TPCN2: variants seen among roughly 807,000 people sequenced by gnomAD.
The protein encoded by TPCN2 is two pore segment channel 2, also known as two pore channel protein 2.
Under a neutral mutation model 111.4 loss-of-function variants are expected in TPCN2, and 92 were observed. That is an observed-to-expected ratio of 0.83 (90% CI 0.70 to 0.98). TPCN2 has a LOEUF of 0.98. Ranked by LOEUF, TPCN2 falls within the 50% of genes least tolerant of loss-of-function variation. The pLI is 0.00. For missense variants in TPCN2, 995 were observed against 980.1 expected (o/e 1.02, Z -0.20); for synonymous variants, 405 against 414.5 (o/e 0.98, Z 0.28).
chr11:69,062,856 G>A lies in TPCN2; in HGVS notation c.547-28G>A, dbSNP rs928286342. On this transcript the variant is annotated intron_variant, in intron 5 of 24. Coordinates refer to ENST00000294309, the MANE Select transcript of TPCN2 (RefSeq NM_139075.4). Reference sequence around the variant, plus strand: ...AGGGGTAGAACTAAGCACTTGACGTGGTCCTCAGTTTCCTGGGTCTCTTCC... The same window carrying A: ...AGGGGTAGAACTAAGCACTTGACGTAGTCCTCAGTTTCCTGGGTCTCTTCC... 3.1e-6 allele frequency: 5 copies of A among 1,602,652 alleles called. No individual in the cohort carries two copies. In the African/African-American group the frequency reaches 6.7e-5, roughly 21 times the overall value.
chr11:69,073,300 G>A (rs908102596), intron 13 of TPCN2, among the ~76,000 whole-genome samples: 10 of 152,220 alleles, frequency 6.6e-5, no homozygotes, highest in African/African-American at 2.4e-4. Flanking sequence ...CCTTCCTCAG[G>A]AGGTCCACAC....
Position 69,081,645 on chromosome 11 carries a change from G to A in TPCN2, c.1689+146G>A, listed in dbSNP as rs1042192254. 1.1e-4 allele frequency: 62 copies of A among 568,102 alleles called. No individual in the cohort carries two copies. In the Admixed American group the frequency reaches 1.5e-3, roughly 14 times the overall value. The allele number at this position is 568,102 out of a possible 1,614,324, so 35.2% of individuals were successfully genotyped here. A position where few individuals can be genotyped will look rare whatever the true frequency, so the allele number is the denominator to read the frequency against. On this transcript the variant is annotated intron_variant, in intron 18 of 24. Transcript: ENST00000294309. ...CTGGCTGCACCCTCAGCTCTCTGCCGTGCTCTTGTGATGCTGGGGAAGGGT... is the reference window on the plus strand; with the variant it reads ...CTGGCTGCACCCTCAGCTCTCTGCCATGCTCTTGTGATGCTGGGGAAGGGT...
intron 11 of TPCN2, among the ~76,000 whole-genome samples, chr11:69,072,267 G>A (rs558688045): frequency 2.0e-5 from 3 of 152,290 alleles, no homozygotes; most frequent in Middle Eastern, 3.4e-3. Context: ...CGAGTGGCCC[G>A]GCCTTCTTGT....
intron 13 of TPCN2, among the ~76,000 whole-genome samples, chr11:69,076,064 A>C (rs1474553888): frequency 6.6e-6 from 1 of 152,220 alleles, no homozygotes; most frequent in Non-Finnish European, 1.5e-5. Context: ...GGCAGTGGCA[A>C]CTACGATAAA....
At chr11:69,082,447 G>A (rs1490825082) in intron 18 of TPCN2, among the ~76,000 whole-genome samples, 2 of 152,282 alleles carry the variant, frequency 1.3e-5, no homozygotes, top group Admixed American at 1.3e-4. Flanking sequence ...CCGCATCACC[G>A]TATGCACAGA....
chr11:69,067,423 C>A (rs905501371), intron 7 of TPCN2, 80 bp from the exon 8 acceptor site: 1 of 1,332,834 alleles, frequency 7.5e-7, no homozygotes, highest in Admixed American at 1.7e-5. Context: ...ATGGTTCCAG[C>A]CGGTTGGGTC....
intron 13 of TPCN2, among the ~76,000 whole-genome samples, chr11:69,076,557 C>T (rs1295268986): frequency 2.1e-5 from 1 of 46,702 alleles, no homozygotes; most frequent in African/African-American, 4.9e-5. Context: ...CCTGCTCTGT[C>T]CCTCCACCTG....
chr11:69,084,797 T>A (rs565984668), intron 19 of TPCN2: 1 of 985,440 alleles, frequency 1.0e-6, no homozygotes, highest in South Asian at 4.7e-5. Flanking sequence ...TCAGGTGCTG[T>A]CTGCCCAGCC....
intron 23 of TPCN2, 87 bp downstream of exon 23, chr11:69,086,691 G>T: frequency 1.5e-6 from 2 of 1,333,374 alleles, no homozygotes; most frequent in Non-Finnish European, 2.2e-6. Flanking sequence ...GGCCGGGCCT[G>T]CCTGGAACTT....
chr11:69,069,861 G>GC (rs56344161), intron 8 of TPCN2, among the ~76,000 whole-genome samples: 109,634 of 109,710 alleles, frequency 1, 54,779 homozygotes, highest in Middle Eastern at 1. Context: ...CTGCAGGGAG[G>GC]TTTCAGCTCT....
At chr11:69,057,740 G>A in intron 5 of TPCN2, 46 bp downstream of exon 5, 2 of 1,576,100 alleles carry the variant, frequency 1.3e-6, no homozygotes, top group South Asian at 1.1e-5. Flanking sequence ...ATCTGGGGCT[G>A]GTGTGGGTGC....
chr11:69,085,008 C>G (rs1436016630), intron 19 of TPCN2, among the ~76,000 whole-genome samples: 4 of 152,176 alleles, frequency 2.6e-5, no homozygotes, highest in Non-Finnish European at 5.9e-5. Context: ...CCTGCCTGAG[C>G]CCCACTGTGT....
intron 5 of TPCN2, among the ~76,000 whole-genome samples, chr11:69,060,670 C>G (rs1200797838): frequency 6.6e-6 from 1 of 152,188 alleles, no homozygotes; most frequent in Non-Finnish European, 1.5e-5. Flanking sequence ...AGGGAAGGCC[C>G]TCAGGTTGGG....
At chr11:69,051,721 G>A (rs928780259) in intron 1 of TPCN2, among the ~76,000 whole-genome samples, 1 of 152,242 alleles carries the variant, frequency 6.6e-6, no homozygotes, top group African/African-American at 2.4e-5. Flanking sequence ...CCAGGGTGAT[G>A]AGCTCAGGGC....
intron 5 of TPCN2, among the ~76,000 whole-genome samples, chr11:69,058,675 C>T (rs538492065): frequency 1.3e-4 from 20 of 152,194 alleles, no homozygotes; most frequent in South Asian, 4.1e-4. Context: ...GCCCACAGCA[C>T]GGCAGAGCGG....
At chr11:69,067,410 T>G (rs1590724354) in intron 7 of TPCN2, 93 bp from the exon 8 acceptor site, 1 of 1,175,400 alleles carries the variant, frequency 8.5e-7, no homozygotes, top group Non-Finnish European at 1.2e-6. Flanking sequence ...GGGCGGCGGG[T>G]GGATGGTTCC....
intron 19 of TPCN2, chr11:69,084,562 G>A (rs954757958): frequency 1.0e-6 from 1 of 985,100 alleles, no homozygotes; most frequent in Non-Finnish European, 1.2e-6. Flanking sequence ...CAGGAGAGGG[G>A]CCTGTGACCA....
rs1261171363 is a variant in TPCN2, at chr11:69,054,432, G to T, written c.175-289G>T. ...CCTTGCACAGAGAAGAGAGAGCCTCGCAGGCAGACACGGGCACAGCTGTGC... is the reference window on the plus strand; with the variant it reads ...CCTTGCACAGAGAAGAGAGAGCCTCTCAGGCAGACACGGGCACAGCTGTGC... On this transcript the variant is annotated intron_variant, in intron 2 of 24. Coordinates refer to ENST00000294309, the MANE Select transcript of TPCN2 (RefSeq NM_139075.4). 8.9e-6 allele frequency: 5 copies of T among 560,438 alleles called. No individual in the cohort carries two copies. In the Admixed American group the frequency reaches 1.2e-4, roughly 14 times the overall value. The allele number at this position is 560,438 out of a possible 1,614,324, so 34.7% of individuals were successfully genotyped here.
chr11:69,073,483 T>A (rs112672128), intron 13 of TPCN2, among the ~76,000 whole-genome samples: 33 of 152,354 alleles, frequency 2.2e-4, no homozygotes, highest in Non-Finnish European at 4.0e-4. Context: ...GGGGCTGCCA[T>A]TCCAGCTGCT....
Sources: gnomAD v4.1 joint callset for allele counts (sites outside exome capture counted in the v4.1 genomes callset) on GRCh38, gnomAD v4.1.1 for gene constraint, MANE v1.5 for transcripts, NCBI Gene and HGNC (gene_info 2026-07-23, HGNC 2026-07-21) for gene names.